The following DIMT1 variants were observed in gnomAD, a reference collection of about 807,000 sequenced individuals.
DIMT1 encodes the protein dimethyladenosine transferase.
In DIMT1, 36 loss-of-function variants were observed where a neutral mutation model predicts 43.2. That is an observed-to-expected ratio of 0.83 (90% confidence interval 0.64 to 1.10). The LOEUF is 1.10. Among genes scored for constraint, DIMT1 ranks in the 50% least tolerant of loss-of-function variants. The pLI, the probability that DIMT1 is intolerant of heterozygous loss-of-function variation, is 0.00. For missense variants in DIMT1, 341 were observed against 385.3 expected, an observed-to-expected ratio of 0.88 and a Z score of 0.96; for synonymous variants, 126 against 130.3, an observed-to-expected ratio of 0.97 and a Z score of 0.22.
chr5:62,394,721 A>G, intron 6 of DIMT1, 114 bp from the exon 7 acceptor site: 2 of 1,381,404 alleles, frequency 1.4e-6, no homozygotes, highest in Non-Finnish European at 1.9e-6. Flanking sequence ...AGCTGATTAT[A>G]AGGTAGGAGA....
chr5:62,390,263 A>AG (rs1394770685), intron 11 of DIMT1, among the ~76,000 whole-genome samples: 1 of 152,228 alleles, frequency 6.6e-6, no homozygotes, highest in East Asian at 1.9e-4. Flanking sequence ...TTGAAGCCTT[A>AG]TTCTGTTTTC....
chr5:62,391,723 A>G, intron 10 of DIMT1: 7 of 1,316,094 alleles, frequency 5.3e-6, no homozygotes, highest in Non-Finnish European at 5.8e-6. Flanking sequence ...GAAATCTGCT[A>G]TTGAGCCATA....
At chr5:62,402,945 A>G (rs1217975802) in intron 2 of DIMT1, among the ~76,000 whole-genome samples, 1 of 152,238 alleles carries the variant, frequency 6.6e-6, no homozygotes, top group Non-Finnish European at 1.5e-5. Context: ...TGTAGTTTAG[A>G]CATAAATAGA....
At chr5:62,392,008 T>C (rs1202115708) in intron 10 of DIMT1, 163 bp downstream of exon 10, 3 of 1,545,928 alleles carry the variant, frequency 1.9e-6, no homozygotes, top group South Asian at 1.2e-5. Context: ...AGCACTGACC[T>C]GTCAGAATTC....
At chr5:62,398,769 A>C in intron 4 of DIMT1, 30 bp from the exon 5 acceptor site, 1 of 1,613,928 alleles carries the variant, frequency 6.2e-7, no homozygotes, top group Non-Finnish European at 8.5e-7. Flanking sequence ...TGTAAAAAGA[A>C]TGTTGTTTCA....
intron 10 of DIMT1, chr5:62,391,813 T>G: frequency 7.1e-7 from 1 of 1,413,642 alleles, no homozygotes; most frequent in Non-Finnish European, 9.2e-7. Context: ...CAAGACGTGG[T>G]CACAATTCAG....
intron 8 of DIMT1, 91 bp downstream of exon 8, chr5:62,393,864 T>G: frequency 9.1e-7 from 1 of 1,095,262 alleles, no homozygotes; most frequent in Non-Finnish European, 1.3e-6. Context: ...AATATTTAGG[T>G]TGATTCAATA....
Position 62,402,033 on chromosome 5 carries a change from T to A in DIMT1, c.240+3A>T. 6.2e-7 allele frequency: 1 copy of A among 1,613,376 alleles called. No individual in the cohort carries two copies. The highest frequency in any genetic ancestry group is 1.3e-5 in the African/African-American group (1 of 75,018). Reference sequence around the variant, plus strand: ...GATACCAAACATTAAATCCCCTTTCTACCTTTTTTGCCTTTTCTAACAACT... The same window carrying A: ...GATACCAAACATTAAATCCCCTTTCAACCTTTTTTGCCTTTTCTAACAACT... On this transcript the variant is annotated splice_donor_region_variant and intron_variant, in intron 3 of 11. Coordinates refer to ENST00000199320, the MANE Select transcript of DIMT1 (RefSeq NM_014473.4).
rs1043009810 is a variant in DIMT1, at chr5:62,398,636, G to A, written c.396+10C>T. The stretch of plus-strand genomic sequence containing the variant: ...GTTAGTATGATGTTCCTGAAAATGT[G>A]AGGACATACCTGATAAGGCAAATTT... On this transcript the variant is annotated intron_variant, in intron 5 of 11. Coordinates refer to ENST00000199320, the MANE Select transcript of DIMT1 (RefSeq NM_014473.4). 2 of 1,614,030 alleles carry A rather than the reference G, an allele frequency of 1.2e-6. No individual in the cohort carries two copies. Among genetic ancestry groups the A allele is most frequent in the African/African-American group, 2.7e-5 (2 of 74,942 alleles).
intron 8 of DIMT1, 131 bp downstream of exon 8, chr5:62,393,824 T>C: frequency 1.4e-6 from 1 of 711,726 alleles, no homozygotes; most frequent in Non-Finnish European, 2.2e-6. Flanking sequence ...AGCACAGGGA[T>C]GTGTCCTAAT....
chr5:62,399,141 C>T (rs1449091526), intron 3 of DIMT1, among the ~76,000 whole-genome samples: 1 of 151,706 alleles, frequency 6.6e-6, no homozygotes, highest in African/African-American at 2.4e-5. Context: ...GCCAGCCTGG[C>T]CAACATGGTG....
rs758847833 is a variant in DIMT1 at position 62,396,139 on chromosome 5, G to GTTTTTTTTTTTTTTTTTTTTTT, written c.447-1533_447-1532insAAAAAAAAAAAAAAAAAAAAAA. On this transcript the variant is annotated intron_variant, in intron 6 of 11. Transcript: ENST00000199320. ...GGGGAATTTAGCCATGTCACTGCAG[G>GTTTTTTTTTTTTTTTTTTTTTT]TTTTTTTTTTTTACATTATTAACTG... Among the ~76,000 whole-genome samples, 650 of 116,680 alleles carry GTTTTTTTTTTTTTTTTTTTTTT rather than the reference G, an allele frequency of 5.6e-3. 75 individuals are homozygous for GTTTTTTTTTTTTTTTTTTTTTT. Among genetic ancestry groups the GTTTTTTTTTTTTTTTTTTTTTT allele is most frequent in the Non-Finnish European group, 7.6e-3 (443 of 58,652 alleles). The allele number at this position is 116,680 out of a possible 152,430, so 76.5% of individuals were successfully genotyped here. A position where few individuals can be genotyped will look rare whatever the true frequency, so the allele number is the denominator to read the frequency against.
intron 3 of DIMT1, among the ~76,000 whole-genome samples, chr5:62,401,055 C>T (rs1350173146): frequency 2.0e-5 from 3 of 152,156 alleles, no homozygotes; most frequent in Admixed American, 1.3e-4. Context: ...AAGGCCCTCC[C>T]AGATCTATTA....
intron 6 of DIMT1, among the ~76,000 whole-genome samples, chr5:62,395,077 T>C (rs1580123883): frequency 6.7e-6 from 1 of 149,632 alleles, no homozygotes; most frequent in Non-Finnish European, 1.5e-5. Flanking sequence ...CAGGCTGGAG[T>C]GCAATGGCGC....
intron 3 of DIMT1, among the ~76,000 whole-genome samples, chr5:62,399,377 A>C (rs1463576055): frequency 1.3e-5 from 2 of 152,256 alleles, no homozygotes; most frequent in Non-Finnish European, 1.5e-5. Flanking sequence ...GAGGCAGGAG[A>C]ATTGCTTGAA....
chr5:62,391,999 GC>G, intron 10 of DIMT1, 171 bp downstream of exon 10: 1 of 1,543,492 alleles, frequency 6.5e-7, no homozygotes, highest in Non-Finnish European at 8.7e-7. Context: ...ATACACAGCA[GC>G]ACTGACCTGT....
intron 3 of DIMT1, 53 bp downstream of exon 3, chr5:62,401,983 T>C: frequency 6.5e-7 from 1 of 1,542,392 alleles, no homozygotes; most frequent in Non-Finnish European, 8.9e-7. Context: ...GTAAACCAAC[T>C]GAGCTTGCTA....
chr5:62,395,089 A>G (rs1197043440), intron 6 of DIMT1, among the ~76,000 whole-genome samples: 1 of 151,632 alleles, frequency 6.6e-6, no homozygotes, highest in African/African-American at 2.4e-5. Context: ...CAATGGCGCA[A>G]TCTCGGCTCA....
At chr5:62,403,514 A>G (rs1742787167) in intron 1 of DIMT1, among the ~76,000 whole-genome samples, 168 bp from the exon 2 acceptor site, 1 of 152,236 alleles carries the variant, frequency 6.6e-6, no homozygotes, top group Admixed American at 6.5e-5. Context: ...CCAGCTGGAA[A>G]GGAAGTCAGC....
Sources: allele counts gnomAD v4.1 joint callset (sites outside exome capture counted in the v4.1 genomes callset), GRCh38; gene constraint gnomAD v4.1.1; transcripts MANE v1.5; gene names NCBI Gene and HGNC (gene_info 2026-07-23, HGNC 2026-07-21).